The following PYGL variants were observed in gnomAD, a reference collection of about 807,000 sequenced individuals.
PYGL encodes glycogen phosphorylase, liver form.
PYGL carries 90 observed loss-of-function variants against 100.1 expected under a neutral mutation model. The observed-to-expected ratio is 0.90, with a 90% CI of 0.76 to 1.07. PYGL has a LOEUF of 1.07. PYGL is among the 50% of genes least tolerant of loss of function. PYGL has a pLI of 0.00. For synonymous variants in PYGL, 373 were observed against 393.0 expected, an observed-to-expected ratio of 0.95 and a Z score of 0.60; for missense variants, 1,016 against 1,057.6, an observed-to-expected ratio of 0.96 and a Z score of 0.55.
Position 50,916,986 on chromosome 14 carries a change from A to G in PYGL, c.975T>C (p.Thr325=), listed in dbSNP as rs753973254. The change falls in exon 8 of 20, where the codon ACT becomes ACC. Residue 325 remains threonine, a synonymous_variant. Transcript: ENST00000216392. ...SKFGSTRGAG[T]VFDAFPDQVA... ...CCTGATCCGGGAAGGCATCAAACAC[A>G]GTTCCTGCACCACGGGTGGAGCCAA... is the stretch of plus-strand genomic sequence containing the variant. 1.9e-6 allele frequency: 3 copies of G among 1,614,246 alleles called. No homozygotes were observed. The highest frequency in any genetic ancestry group is 4.5e-5 in the East Asian group (2 of 44,886).
intron 4 of PYGL, among the ~76,000 whole-genome samples, chr14:50,925,074 T>G (rs1265492955): frequency 1.3e-5 from 2 of 152,248 alleles, no homozygotes; most frequent in East Asian, 3.8e-4. Flanking sequence ...CAGAGTGCAC[T>G]TACACAAACC....
At chr14:50,941,974 GAT>G (rs1370377542) in intron 1 of PYGL, among the ~76,000 whole-genome samples, 2 of 152,184 alleles carry the variant, frequency 1.3e-5, no homozygotes. Flanking sequence ...AAGATATCTA[GAT>G]ATGTTCACTA....
intron 1 of PYGL, among the ~76,000 whole-genome samples, chr14:50,938,725 C>T (rs1368627401): frequency 1.3e-5 from 2 of 151,980 alleles, no homozygotes; most frequent in East Asian, 3.9e-4. Flanking sequence ...TATTTTTTAC[C>T]CCCGGGGAGA....
Position 50,931,785 on chromosome 14 carries a change from AAC to A in PYGL, c.425-11_425-10del, listed in dbSNP as rs1491153457. On this transcript the variant is annotated splice_polypyrimidine_tract_variant and intron_variant, in intron 3 of 19. Transcript: ENST00000216392. Reference sequence around the variant, plus strand: ...GGAATCCAAGAAGCAGGCTACATTCAACAGAGCACAGGCAAAAGATAGAGTCA... The same window carrying A: ...GGAATCCAAGAAGCAGGCTACATTCAAGAGCACAGGCAAAAGATAGAGTCA... 1 of 1,611,208 alleles carries A rather than the reference AAC, an allele frequency of 6.2e-7. No homozygotes were observed. The highest frequency in any genetic ancestry group is 8.5e-7 in the Non-Finnish European group (1 of 1,177,526).
At chr14:50,916,542 C>A in intron 9 of PYGL, 100 bp downstream of exon 9, 1 of 1,096,922 alleles carries the variant, frequency 9.1e-7, no homozygotes, top group Non-Finnish European at 1.4e-6. Context: ...AAGTTAGCAA[C>A]AATAACTTAC....
chr14:50,925,602 C>T (rs902649934), intron 4 of PYGL, among the ~76,000 whole-genome samples: 1 of 152,166 alleles, frequency 6.6e-6, no homozygotes, highest in African/African-American at 2.4e-5. Context: ...CAAAAATAAA[C>T]ACAGCCACTA....
intron 1 of PYGL, among the ~76,000 whole-genome samples, chr14:50,941,313 T>G (rs2050699866): frequency 1.3e-5 from 2 of 150,656 alleles, no homozygotes; most frequent in Non-Finnish European, 3.0e-5. Flanking sequence ...AAAATTAAAT[T>G]CCTGAAAAAT....
At chr14:50,908,471 G>T (rs1596030550) in intron 18 of PYGL, 134 bp from the exon 19 acceptor site, 2 of 887,938 alleles carry the variant, frequency 2.3e-6, no homozygotes, top group Non-Finnish European at 3.6e-6. Flanking sequence ...ATTTCTGTTT[G>T]TAAGACTTTT....
intron 4 of PYGL, among the ~76,000 whole-genome samples, chr14:50,924,444 C>T (rs960464973): frequency 1.3e-5 from 2 of 152,202 alleles, no homozygotes; most frequent in African/African-American, 2.4e-5. Flanking sequence ...TCTGTCTTAA[C>T]GTCTGTGAAT....
At chr14:50,910,482 G>T (rs982522847) in intron 16 of PYGL, among the ~76,000 whole-genome samples, 9 of 151,378 alleles carry the variant, frequency 5.9e-5, no homozygotes, top group Admixed American at 3.3e-4. Context: ...TTGGTACAGG[G>T]TCTCTCTCTG....
intron 3 of PYGL, among the ~76,000 whole-genome samples, chr14:50,933,938 A>T (rs1421109838): frequency 1.3e-5 from 2 of 152,190 alleles, no homozygotes; most frequent in Non-Finnish European, 2.9e-5. Context: ...TTTAATTTGG[A>T]GATCTAGCTA....
At chr14:50,908,157 T>C (rs2050352539) in intron 19 of PYGL, 114 bp downstream of exon 19, 2 of 807,534 alleles carry the variant, frequency 2.5e-6, no homozygotes, top group East Asian at 2.5e-5. Flanking sequence ...TTTGATTGCT[T>C]AATGGGGATC....
At chr14:50,909,088 G>T in intron 17 of PYGL, 133 bp from the exon 18 acceptor site, 1 of 1,006,550 alleles carries the variant, frequency 9.9e-7, no homozygotes, top group Non-Finnish European at 1.5e-6. Context: ...CTTCATTATA[G>T]ATTTCACCAT....
intron 16 of PYGL, 133 bp downstream of exon 16, chr14:50,911,597 C>T: frequency 8.5e-7 from 1 of 1,171,478 alleles, no homozygotes; most frequent in South Asian, 1.3e-5. Context: ...TTACCGTAGG[C>T]CCTTATTCTG....
intron 16 of PYGL, among the ~76,000 whole-genome samples, chr14:50,910,422 CT>C (rs1386565105): frequency 1.3e-5 from 2 of 151,662 alleles, no homozygotes; most frequent in Non-Finnish European, 2.9e-5. Flanking sequence ...ATTTTTATTT[CT>C]TCTACTTTAT....
In PYGL at chr14:50,905,487, T is replaced by G. The variant is rs754632862; in HGVS notation, c.2449A>C (p.Thr817Pro). 5 of 1,614,006 alleles carry G rather than the reference T, an allele frequency of 3.1e-6. No individual in the cohort carries two copies. Among genetic ancestry groups the G allele is most frequent in the Non-Finnish European group, 4.2e-6 (5 of 1,179,866 alleles). ...ATGTTTTGGGCATATTCTTTAATTGTTCGGTCACTGGAGAATTTCCCCGAG... is the reference window on the plus strand; with the variant it reads ...ATGTTTTGGGCATATTCTTTAATTGGTCGGTCACTGGAGAATTTCCCCGAG... ...AASGKFSSDR[T>P]IKEYAQNIWN... The change falls in exon 20 of 20, where the codon ACA becomes CCA. Residue 817 changes from threonine to proline, a missense_variant. Physicochemically the swap from Thr to Pro is conservative, Grantham distance 38. Transcript: ENST00000216392.
intron 1 of PYGL, among the ~76,000 whole-genome samples, chr14:50,943,139 A>G (rs1183363911): frequency 6.6e-6 from 1 of 151,956 alleles, no homozygotes; most frequent in Non-Finnish European, 1.5e-5. Flanking sequence ...ATAAATGTTT[A>G]TATATATTTC....
chr14:50,939,722 T>C (rs560474516), intron 1 of PYGL, among the ~76,000 whole-genome samples: 1 of 152,160 alleles, frequency 6.6e-6, no homozygotes, highest in Non-Finnish European at 1.5e-5. Flanking sequence ...TTACCTCAAA[T>C]TTTAGGGATT....
At chr14:50,912,103 G>A (rs2050404763) in intron 14 of PYGL, 53 bp downstream of exon 14, 14 of 1,613,612 alleles carry the variant, frequency 8.7e-6, no homozygotes, top group Non-Finnish European at 1.2e-5. Context: ...GACCTATGCT[G>A]AGTCTGCTGC....
Sources: gnomAD v4.1 joint callset for allele counts (sites outside exome capture counted in the v4.1 genomes callset) on GRCh38, gnomAD v4.1.1 for gene constraint, MANE v1.5 for transcripts, NCBI Gene and HGNC (gene_info 2026-07-23, HGNC 2026-07-21) for gene names.